Variants in HS6ST3 observed in about 807,000 individuals in gnomAD.
HS6ST3 encodes heparan-sulfate 6-O-sulfotransferase 3.
Under a neutral mutation model 36.7 loss-of-function variants are expected in HS6ST3, and 12 were observed. That is an observed-to-expected ratio of 0.33 (90% CI 0.21 to 0.53). HS6ST3 has a LOEUF of 0.53. Ranked by LOEUF, HS6ST3 falls within the 20% of genes least tolerant of loss-of-function variation. The probability of loss-of-function intolerance (pLI) is 0.95; values close to 1 mark genes in which losing one functional copy is unlikely to be tolerated. For missense variants in HS6ST3, 584 were observed against 640.9 expected (o/e 0.91, Z 0.96); for synonymous variants, 240 against 257.5 (o/e 0.93, Z 0.65).
chr13:96,573,794 C>T (rs2056309889), intron 1 of HS6ST3: 1 of 365,824 alleles, frequency 2.7e-6, no homozygotes, highest in Admixed American at 3.9e-5. Flanking sequence ...TAGACAGCAG[C>T]AGCAGATAGG....
intron 1 of HS6ST3, among the ~76,000 whole-genome samples, chr13:96,483,898 A>G (rs2055901406): frequency 6.6e-6 from 1 of 152,110 alleles, no homozygotes; most frequent in Non-Finnish European, 1.5e-5. Flanking sequence ...TTAGGTCTGT[A>G]TTCCATTTTG....
At chr13:96,398,137 A>G (rs993453714) in intron 1 of HS6ST3, among the ~76,000 whole-genome samples, 1 of 152,154 alleles carries the variant, frequency 6.6e-6, no homozygotes, top group Non-Finnish European at 1.5e-5. Flanking sequence ...TGTTAAATAT[A>G]ATAATGTGTG....
chr13:96,336,083 T>C (rs2055099454), intron 1 of HS6ST3, among the ~76,000 whole-genome samples: 1 of 152,328 alleles, frequency 6.6e-6, no homozygotes, highest in African/African-American at 2.4e-5. Flanking sequence ...AAATGATATA[T>C]AGAGAGTATT....
chr13:96,131,029 G>C lies in HS6ST3; in HGVS notation c.707+39460G>C, dbSNP rs186866308. 9.5e-4 allele frequency among the ~76,000 whole-genome samples: 144 copies of C among 152,238 alleles called. 1 individual carries two copies. Among genetic ancestry groups the C allele is most frequent in the Admixed American group, 8.6e-3 (132 of 15,292 alleles). ...TACCAAGCAGAGTATTTGAGGGCCA[G>C]GGGGTGTCAGGGACTGCGTGAGCGA... On this transcript the variant is annotated intron_variant, in intron 1 of 1. Transcript: ENST00000376705.
At chr13:96,241,087 C>T (rs1327066213) in intron 1 of HS6ST3, among the ~76,000 whole-genome samples, 1 of 151,960 alleles carries the variant, frequency 6.6e-6, no homozygotes, top group African/African-American at 2.4e-5. Flanking sequence ...TATTGGGAAG[C>T]TGAATGATCT....
rs948101097 is a variant in HS6ST3, at chr13:96,304,237, G to A, written c.707+212668G>A. On this transcript the variant is annotated intron_variant, in intron 1 of 1. Transcript: ENST00000376705. ...AGATTCTGTTTTGATTGGCCCTCAC[G>A]TTACTAGGTTAGTCATTGATTATTT... is the stretch of plus-strand genomic sequence containing the variant. Among the ~76,000 whole-genome samples, 62 of 151,790 alleles carry A rather than the reference G, an allele frequency of 4.1e-4. 1 individual carries two copies. The highest frequency in any genetic ancestry group is 5.9e-5 in the Non-Finnish European group (4 of 67,990).
At chr13:96,521,801 A>G (rs1009668432) in intron 1 of HS6ST3, among the ~76,000 whole-genome samples, 2 of 152,114 alleles carry the variant, frequency 1.3e-5, no homozygotes, top group East Asian at 3.9e-4. Flanking sequence ...TCAAAAAACC[A>G]TCTCCTGGAT....
chr13:96,573,535 G>T (rs2056308596), intron 1 of HS6ST3: 1 of 179,794 alleles, frequency 5.6e-6, no homozygotes, highest in Non-Finnish European at 1.1e-5. Flanking sequence ...AAATAAAATA[G>T]CTCCCCTCCT....
intron 1 of HS6ST3, among the ~76,000 whole-genome samples, chr13:96,386,213 T>C (rs137983422): frequency 1.7e-3 from 257 of 152,342 alleles, no homozygotes; most frequent in African/African-American, 5.8e-3. Flanking sequence ...AAATAAATAT[T>C]GACGTGGCAG....
At chr13:96,622,176 G>A (rs1407037195) in intron 1 of HS6ST3, among the ~76,000 whole-genome samples, 3 of 151,712 alleles carry the variant, frequency 2.0e-5, no homozygotes, top group African/African-American at 4.9e-5. Flanking sequence ...AAATCCTCTA[G>A]GCAAGAATGG....
chr13:96,308,553 G>A (rs1246931623), intron 1 of HS6ST3, among the ~76,000 whole-genome samples: 8 of 152,010 alleles, frequency 5.3e-5, no homozygotes, highest in Non-Finnish European at 1.0e-4. Flanking sequence ...AGACTTTAAC[G>A]GTGGAAAAGA....
rs1375895997 is a variant in HS6ST3, at chr13:96,180,553, A to G, written c.707+88984A>G. Among the ~76,000 whole-genome samples the G allele has an allele frequency of 7.2e-5, 11 of 152,348 alleles. No individual in the cohort carries two copies. In the East Asian group the frequency reaches 1.7e-3, roughly 24 times the overall value. ...TTTATTAAACTTTTCAGCGTTTTTA[A>G]TGATATCAAAAGAATCTTGCAAACA... On this transcript the variant is annotated intron_variant, in intron 1 of 1. Transcript: ENST00000376705.
chr13:96,127,917 C>T (rs1268731188), intron 1 of HS6ST3, among the ~76,000 whole-genome samples: 1 of 152,162 alleles, frequency 6.6e-6, no homozygotes, highest in Non-Finnish European at 1.5e-5. Context: ...TAACAGCTAG[C>T]ATATTCCCAA....
At chr13:96,220,350 G>GT (rs1432635380) in intron 1 of HS6ST3, among the ~76,000 whole-genome samples, 1 of 152,156 alleles carries the variant, frequency 6.6e-6, no homozygotes, top group African/African-American at 2.4e-5. Context: ...CATCATTAAA[G>GT]TTTTAAAATT....
At chr13:96,399,929 C>G (rs148273478) in intron 1 of HS6ST3, among the ~76,000 whole-genome samples, 3 of 152,328 alleles carry the variant, frequency 2.0e-5, no homozygotes, top group East Asian at 3.9e-4. Context: ...GTCTAATTTA[C>G]TACGTCAGTC....
chr13:96,668,686 C>CTTTTTTTTTT (rs146033180), intron 1 of HS6ST3, among the ~76,000 whole-genome samples: 15 of 58,940 alleles, frequency 2.5e-4, no homozygotes, highest in Non-Finnish European at 2.9e-4. Context: ...TAGTGCCAAC[C>CTTTTTTTTTT]TTTTTTTTTT....
Position 96,129,301 on chromosome 13 carries a change from G to A in HS6ST3, c.707+37732G>A, listed in dbSNP as rs996732908. ...CTGGCCATGGTTCTGCAAGAAGATCGTTTTGTACTTCTGAGGAAGGATGCC... is the reference window on the plus strand; with the variant it reads ...CTGGCCATGGTTCTGCAAGAAGATCATTTTGTACTTCTGAGGAAGGATGCC... On this transcript the variant is annotated intron_variant, in intron 1 of 1. Transcript: ENST00000376705. 9.8e-5 allele frequency among the ~76,000 whole-genome samples: 15 copies of A among 152,318 alleles called. No homozygotes were observed. In the South Asian group the frequency reaches 2.9e-3, roughly 30 times the overall value.
chr13:96,694,631 G>C (rs982283534), intron 1 of HS6ST3, among the ~76,000 whole-genome samples: 5 of 152,110 alleles, frequency 3.3e-5, no homozygotes, highest in Non-Finnish European at 5.9e-5. Context: ...TTTCCACCAT[G>C]GTTGAACTCA....
At chr13:96,643,365 A>G (rs1186783738) in intron 1 of HS6ST3, among the ~76,000 whole-genome samples, 4 of 152,032 alleles carry the variant, frequency 2.6e-5, no homozygotes, top group African/African-American at 9.6e-5. Flanking sequence ...TAGCATACAC[A>G]CAGCCTTAGC....
Sources: allele counts gnomAD v4.1 joint callset (sites outside exome capture counted in the v4.1 genomes callset), GRCh38; gene constraint gnomAD v4.1.1; transcripts MANE v1.5; gene names NCBI Gene and HGNC (gene_info 2026-07-23, HGNC 2026-07-21).